Variants in TMEM266 observed in about 807,000 individuals in gnomAD.
The protein encoded by TMEM266 is transmembrane protein 266.
A neutral mutation model predicts 50.5 loss-of-function variants in TMEM266; 33 were observed. The ratio of observed to expected loss-of-function variants is 0.65; its 90% CI spans 0.50 to 0.87. The LOEUF (loss-of-function observed/expected upper bound fraction) is 0.87. TMEM266 is among the 40% of genes least tolerant of loss of function. TMEM266 has a pLI of 0.00. For missense variants in TMEM266, 655 were observed against 695.1 expected (o/e 0.94, Z 0.65); for synonymous variants, 310 against 292.3 (o/e 1.06, Z -0.62).
At chr15:76,201,523 G>A (rs1241662273) in intron 9 of TMEM266, among the ~76,000 whole-genome samples, 1 of 152,122 alleles carries the variant, frequency 6.6e-6, no homozygotes, top group Non-Finnish European at 1.5e-5. Flanking sequence ...GACCACAGGT[G>A]TGCATCATCA....
intron 8 of TMEM266, among the ~76,000 whole-genome samples, chr15:76,182,139 T>G (rs1245935959): frequency 6.6e-6 from 1 of 152,146 alleles, no homozygotes; most frequent in Non-Finnish European, 1.5e-5. Context: ...TCGGGGAGCT[T>G]GGAGGAGTGG....
At position 76,202,208 on chromosome 15, in the gene TMEM266, C is replaced by T. The variant is rs773264443; in HGVS notation, c.965C>T (p.Thr322Met). 7 of 1,613,470 alleles carry T rather than the reference C, an allele frequency of 4.3e-6. No homozygotes were observed. Among genetic ancestry groups the T allele is most frequent in the East Asian group, 2.2e-5 (1 of 44,870 alleles). The change falls in exon 10 of 11, where the codon ACG becomes ATG. Residue 322 changes from threonine (T) to methionine (M), a missense_variant. This residue lies in a region of TMEM266 where 455 missense variants were observed against 401.8 expected (regional missense o/e 1.13). Transcript: ENST00000388942. Reference sequence around the variant, plus strand: ...TCTGTCCCCACCTCTGTAGAAGCCACGATGAAGGACGACATGAACAGCTAC... The same window carrying T: ...TCTGTCCCCACCTCTGTAGAAGCCATGATGAAGGACGACATGAACAGCTAC...
Position 76,195,572 on chromosome 15 carries a change from C to G in TMEM266, c.958+3415C>G, listed in dbSNP as rs146391386. 2.7e-3 allele frequency among the ~76,000 whole-genome samples: 413 copies of G among 152,360 alleles called. 1 individual carries two copies. Among genetic ancestry groups the G allele is most frequent in the African/African-American group, 9.4e-3 (390 of 41,580 alleles). On this transcript the variant is annotated intron_variant, in intron 9 of 10. Coordinates refer to ENST00000388942, the MANE Select transcript of TMEM266 (RefSeq NM_152335.3). ...AAAGGAGCAGATTTACCATCTCAGCCCATTTCAGGATCTTCCTCTGTGACA... is the reference window on the plus strand; with the variant it reads ...AAAGGAGCAGATTTACCATCTCAGCGCATTTCAGGATCTTCCTCTGTGACA...
At position 76,139,371 on chromosome 15, in the gene TMEM266, C is replaced by T. The variant is rs764947945; in HGVS notation, c.227+1476C>T. ...GACAAAAAAGGATAGGCAAGCAGGT[C>T]GGAGGCAGCTAAGGGACACCTGCAG... On this transcript the variant is annotated intron_variant, in intron 3 of 10. Coordinates refer to ENST00000388942, the MANE Select transcript of TMEM266 (RefSeq NM_152335.3). This position sits in a 1 kb window ranked among gnomAD's most constrained non-coding sequence, Gnocchi z 4.1. Among the ~76,000 whole-genome samples the T allele has an allele frequency of 6.6e-6, 1 of 152,186 alleles. No individual in the cohort carries two copies. Among genetic ancestry groups the T allele is most frequent in the Non-Finnish European group, 1.5e-5 (1 of 68,042 alleles).
chr15:76,137,573 G>A (rs979257052), intron 2 of TMEM266, 134 bp from the exon 3 acceptor site: 1 of 860,306 alleles, frequency 1.2e-6, no homozygotes, highest in Non-Finnish European at 1.9e-6. Context: ...TGGCCAGCAG[G>A]GAAGAGGGGC....
intron 1 of TMEM266, among the ~76,000 whole-genome samples, chr15:76,064,527 G>A (rs896444971): frequency 6.6e-6 from 1 of 152,156 alleles, no homozygotes; most frequent in African/African-American, 2.4e-5. Context: ...CATGGTTATG[G>A]AAAGAAGCCT....
chr15:76,203,685 G>A, intron 10 of TMEM266, 56 bp from the exon 11 acceptor site: 1 of 1,530,434 alleles, frequency 6.5e-7, no homozygotes, highest in South Asian at 1.2e-5. Flanking sequence ...CTCTCTTCAG[G>A]GCCCCCAGGT....
chr15:76,095,542 C>T (rs1596100990), intron 1 of TMEM266, among the ~76,000 whole-genome samples: 1 of 151,940 alleles, frequency 6.6e-6, no homozygotes, highest in African/African-American at 2.4e-5. Flanking sequence ...ATTTTCGCAT[C>T]GATTGTCATC....
rs2036260613 is a variant in TMEM266, at chr15:76,059,992, A to T, written c.-121A>T. ...CGCGGCCGGCGCCGCTGCAGAGCCG[A>T]GCGAATCCCGAGCCCGGGCAGCAGG... On this transcript the variant is annotated 5_prime_UTR_variant, in exon 1 of 11. Transcript: ENST00000388942. The T allele has an allele frequency of 6.8e-6, 1 of 147,440 alleles. No individual in the cohort carries two copies. Among genetic ancestry groups the T allele is most frequent in the South Asian group, 2.1e-4 (1 of 4,656 alleles). 9.1% of individuals were successfully genotyped at this position (147,440 alleles called of 1,614,324 possible).
intron 1 of TMEM266, among the ~76,000 whole-genome samples, chr15:76,103,119 G>T (rs1179908864): frequency 6.6e-6 from 1 of 152,132 alleles, no homozygotes; most frequent in Non-Finnish European, 1.5e-5. Context: ...TTTGGACCAG[G>T]ATGAGAGAGG....
intron 3 of TMEM266, among the ~76,000 whole-genome samples, chr15:76,141,784 C>G (rs1166560596): frequency 1.3e-5 from 2 of 152,216 alleles, no homozygotes; most frequent in African/African-American, 4.8e-5. Flanking sequence ...ATTCGACTTT[C>G]TGTCCCTTTG....
chr15:76,197,560 C>T (rs1350866145), intron 9 of TMEM266, among the ~76,000 whole-genome samples: 1 of 152,220 alleles, frequency 6.6e-6, no homozygotes, highest in Non-Finnish European at 1.5e-5. Context: ...AGAAGTTCTT[C>T]ACTGAGAAGG....
intron 1 of TMEM266, among the ~76,000 whole-genome samples, chr15:76,092,054 A>C (rs1567147649): frequency 6.6e-6 from 1 of 152,062 alleles, no homozygotes; most frequent in Non-Finnish European, 1.5e-5. Flanking sequence ...AATATGAAGC[A>C]GGCTAAAATA....
intron 1 of TMEM266, among the ~76,000 whole-genome samples, chr15:76,087,379 T>G (rs2036791641): frequency 6.6e-6 from 1 of 151,998 alleles, no homozygotes; most frequent in Non-Finnish European, 1.5e-5. Context: ...GAGGAAAGAG[T>G]TAAGAAAATT....
At chr15:76,174,271 C>A (rs1467738062) in intron 7 of TMEM266, among the ~76,000 whole-genome samples, 1 of 152,184 alleles carries the variant, frequency 6.6e-6, no homozygotes, top group Non-Finnish European at 1.5e-5. Context: ...CACAATTCAG[C>A]CAGGCATGGT....
chr15:76,153,017 G>A lies in TMEM266; in HGVS notation c.228-3587G>A, dbSNP rs1027356465. ...CCTGGCTCTTCCCTGAGGCTGAGGA[G>A]TGTGCTCTGGTGTCAGGGCCAGGCC... On this transcript the variant is annotated intron_variant, in intron 3 of 10. Coordinates refer to ENST00000388942, the MANE Select transcript of TMEM266 (RefSeq NM_152335.3). The surrounding 1 kb of genome is among the most constrained non-coding windows in gnomAD (Gnocchi z 4.2). Among the ~76,000 whole-genome samples, 12 of 152,134 alleles carry A rather than the reference G, an allele frequency of 7.9e-5. No individual in the cohort carries two copies. The highest frequency in any genetic ancestry group is 2.2e-4 in the African/African-American group (9 of 41,436).
At chr15:76,108,732 C>A (rs921596730) in intron 1 of TMEM266, among the ~76,000 whole-genome samples, 15 of 152,252 alleles carry the variant, frequency 9.9e-5, no homozygotes. Context: ...GAAGGTGAGA[C>A]CATCTTTGAT....
At chr15:76,124,905 GA>G (rs34960974) in intron 1 of TMEM266, among the ~76,000 whole-genome samples, 7,383 of 151,862 alleles carry the variant, frequency 0.049, 571 homozygotes, top group African/African-American at 0.17. Flanking sequence ...TGAGCAAGAA[GA>G]AAAAAAGCCA....
At chr15:76,172,867 C>T (rs569605595) in intron 7 of TMEM266, among the ~76,000 whole-genome samples, 15 of 152,290 alleles carry the variant, frequency 9.8e-5, no homozygotes, top group African/African-American at 2.6e-4. Context: ...CATCCACCCC[C>T]GCTCGGGGCA....
Sources: allele counts gnomAD v4.1 joint callset (sites outside exome capture counted in the v4.1 genomes callset), GRCh38; gene constraint gnomAD v4.1.1; regional missense constraint gnomAD v4.1.1; non-coding constraint Gnocchi (gnomAD v3.1); transcripts MANE v1.5; gene names NCBI Gene and HGNC (gene_info 2026-07-23, HGNC 2026-07-21).